GNB1: variants seen among roughly 807,000 people sequenced by gnomAD.
The protein encoded by GNB1 is guanine nucleotide-binding protein G(I)/G(S)/G(T) subunit beta-1.
GNB1 carries 2 observed loss-of-function variants against 42.9 expected under a neutral mutation model. The ratio of observed to expected loss-of-function variants is 0.05; its 90% CI spans 0.02 to 0.15. GNB1 has a LOEUF of 0.15. Among genes scored for constraint, GNB1 ranks in the 10% least tolerant of loss-of-function variants. GNB1 has a pLI of 1.00. For missense variants in GNB1, 193 were observed against 462.2 expected, an observed-to-expected ratio of 0.42 and a Z score of 5.34; for synonymous variants, 183 against 174.7, an observed-to-expected ratio of 1.05 and a Z score of -0.38.
intron 1 of GNB1, among the ~76,000 whole-genome samples, chr1:1,887,052 C>T (rs930215398): frequency 7.2e-5 from 11 of 152,170 alleles, no homozygotes; most frequent in African/African-American, 1.2e-4. Context: ...TGTTCCATGT[C>T]TTGTGAGACT....
intron 5 of GNB1, among the ~76,000 whole-genome samples, chr1:1,807,520 G>C (rs1570645986): frequency 9.6e-6 from 1 of 104,358 alleles, no homozygotes; most frequent in African/African-American, 3.9e-5. Context: ...ACCACTTTTA[G>C]ACATTCCAAA....
intron 1 of GNB1, among the ~76,000 whole-genome samples, chr1:1,851,278 T>C (rs976518889): frequency 6.6e-6 from 1 of 151,964 alleles, no homozygotes; most frequent in South Asian, 2.1e-4. Context: ...GGCGTGGTGG[T>C]GCATGCCTGT....
chr1:1,858,606 G>A (rs1648432541), intron 1 of GNB1, among the ~76,000 whole-genome samples: 1 of 152,172 alleles, frequency 6.6e-6, no homozygotes, highest in African/African-American at 2.4e-5. Context: ...CCAGACCACA[G>A]TGATGAGTCC....
chr1:1,787,330 G>GT lies in GNB1; in HGVS notation c.1023dup. 6.4e-7 allele frequency: 1 copy of GT among 1,568,118 alleles called. No homozygotes were observed. The highest frequency in any genetic ancestry group is 8.8e-7 in the Non-Finnish European group (1 of 1,138,602). ...TTGGGCTGCTGCATTACCTACTGGCGTTAGTTCCAGATCTTGAGGAAGCTA... is the reference window on the plus strand; with the variant it reads ...TTGGGCTGCTGCATTACCTACTGGCGTTTAGTTCCAGATCTTGAGGAAGCTA... On this transcript the variant is annotated 3_prime_UTR_variant, in exon 11 of 12. Transcript: ENST00000378609. This position sits in a 1 kb window ranked among gnomAD's most constrained non-coding sequence, Gnocchi z 4.4.
chr1:1,851,987 G>A (rs1354528248), intron 1 of GNB1, among the ~76,000 whole-genome samples: 1 of 151,230 alleles, frequency 6.6e-6, no homozygotes, highest in Non-Finnish European at 1.5e-5. Flanking sequence ...AGATTGCGGT[G>A]AGCCAAGATA....
At position 1,842,247 on chromosome 1, in the gene GNB1, G is replaced by A. The variant is rs577994424; in HGVS notation, c.-95-3009C>T. Among the ~76,000 whole-genome samples, 483 of 152,270 alleles carry A rather than the reference G, an allele frequency of 3.2e-3. 2 individuals carry two copies. The highest frequency in any genetic ancestry group is 5.5e-3 in the Non-Finnish European group (375 of 68,028). ...AGATTGAGACCATCCTGGCTAACACGGTGAAACCCCATCTCTACTAAAAAT... is the reference window on the plus strand; with the variant it reads ...AGATTGAGACCATCCTGGCTAACACAGTGAAACCCCATCTCTACTAAAAAT... On this transcript the variant is annotated intron_variant, in intron 1 of 11. Transcript: ENST00000378609.
At chr1:1,817,931 G>C in intron 3 of GNB1, 56 bp from the exon 4 acceptor site, 8 of 1,309,728 alleles carry the variant, frequency 6.1e-6, no homozygotes, top group Non-Finnish European at 8.9e-6. Flanking sequence ...TCAATCTCAG[G>C]TCCACACATA....
intron 1 of GNB1, among the ~76,000 whole-genome samples, chr1:1,850,191 CG>C (rs1412992042): frequency 1.3e-5 from 2 of 151,510 alleles, no homozygotes; most frequent in Non-Finnish European, 2.9e-5. Context: ...AGTGCAATGG[CG>C]GGATCTTGGC....
chr1:1,857,669 T>C (rs894198244), intron 1 of GNB1, among the ~76,000 whole-genome samples: 3 of 152,110 alleles, frequency 2.0e-5, no homozygotes, highest in African/African-American at 4.8e-5. Flanking sequence ...TGTGCACTTA[T>C]AGCAGTACCC....
At chr1:1,799,200 G>A (rs994291971) in intron 7 of GNB1, among the ~76,000 whole-genome samples, 41 of 152,270 alleles carry the variant, frequency 2.7e-4, no homozygotes, top group South Asian at 1.9e-3. Flanking sequence ...GATTACAGGC[G>A]TGAGCCACCG....
At chr1:1,831,551 C>T (rs1019807442) in intron 2 of GNB1, among the ~76,000 whole-genome samples, 38 of 151,898 alleles carry the variant, frequency 2.5e-4, no homozygotes, top group African/African-American at 6.5e-4. Flanking sequence ...TGAGTTCAAG[C>T]GATTCTCCTT....
chr1:1,808,365 T>A (rs185764215), intron 5 of GNB1, among the ~76,000 whole-genome samples: 1 of 151,688 alleles, frequency 6.6e-6, no homozygotes, highest in South Asian at 2.1e-4. Context: ...GGAATCCACA[T>A]GTTGAAAAGG....
chr1:1,805,723 G>C (rs578013393), intron 6 of GNB1, among the ~76,000 whole-genome samples: 25 of 151,946 alleles, frequency 1.6e-4, no homozygotes, highest in Non-Finnish European at 3.5e-4. Flanking sequence ...TGTATTTTTA[G>C]TAGAGACGAG....
intron 5 of GNB1, among the ~76,000 whole-genome samples, chr1:1,807,300 C>T (rs1300851166): frequency 6.6e-6 from 1 of 150,870 alleles, no homozygotes; most frequent in Non-Finnish European, 1.5e-5. Flanking sequence ...GTCTCCACTA[C>T]AAAAACACAA....
intron 1 of GNB1, among the ~76,000 whole-genome samples, chr1:1,868,911 G>A (rs1223996609): frequency 3.3e-5 from 5 of 151,660 alleles, no homozygotes; most frequent in Admixed American, 2.0e-4. Context: ...ACAGCCAGGC[G>A]TGGTGACTCA....
intron 1 of GNB1, among the ~76,000 whole-genome samples, chr1:1,881,647 G>A (rs953495749): frequency 2.0e-5 from 3 of 152,068 alleles, no homozygotes; most frequent in African/African-American, 4.8e-5. Context: ...TGATCCGCCC[G>A]CCCTGGCCTC....
intron 1 of GNB1, among the ~76,000 whole-genome samples, chr1:1,879,789 T>C (rs1022974057): frequency 6.6e-6 from 1 of 152,146 alleles, no homozygotes; most frequent in Non-Finnish European, 1.5e-5. Flanking sequence ...ACATTTACCT[T>C]GTCTGCCTCA....
chr1:1,859,964 A>G (rs1394344935), intron 1 of GNB1, among the ~76,000 whole-genome samples: 2 of 152,238 alleles, frequency 1.3e-5, no homozygotes, highest in Non-Finnish European at 1.5e-5. Flanking sequence ...GTAAATGACC[A>G]GTTAATAGGT....
intron 1 of GNB1, among the ~76,000 whole-genome samples, chr1:1,856,070 T>A (rs764844677): frequency 1.1e-4 from 17 of 152,374 alleles, no homozygotes; most frequent in Admixed American, 3.9e-4. Context: ...TGACCCAGGC[T>A]AGAGTGCAGT....
Sources: gnomAD v4.1 joint callset for allele counts (sites outside exome capture counted in the v4.1 genomes callset) on GRCh38, gnomAD v4.1.1 for gene constraint, Gnocchi (gnomAD v3.1) non-coding constraint, MANE v1.5 for transcripts, NCBI Gene and HGNC (gene_info 2026-07-23, HGNC 2026-07-21) for gene names.